UGGT1: variants seen among roughly 807,000 people sequenced by gnomAD.
UGGT1 encodes the protein UDP-glucose:glycoprotein glucosyltransferase 1.
UGGT1 carries 107 observed loss-of-function variants against 203.9 expected under a neutral mutation model. The ratio of observed to expected loss-of-function variants is 0.52; its 90% CI spans 0.45 to 0.62. The LOEUF (loss-of-function observed/expected upper bound fraction) is 0.62. UGGT1 is among the 20% of genes least tolerant of loss of function. UGGT1 has a pLI of 0.00. For synonymous variants in UGGT1, 628 were observed against 653.5 expected, an observed-to-expected ratio of 0.96 and a Z score of 0.59; for missense variants, 1,673 against 1,867.2, an observed-to-expected ratio of 0.90 and a Z score of 1.92.
chr2:128,152,413 C>A (rs986718719), intron 18 of UGGT1, among the ~76,000 whole-genome samples: 2 of 152,214 alleles, frequency 1.3e-5, no homozygotes, highest in Non-Finnish European at 2.9e-5. Flanking sequence ...CCTTCCTCAG[C>A]CTCCCAAAGT....
Position 128,183,667 on chromosome 2 carries a change from T to C in UGGT1, c.4245-8T>C. On this transcript the variant is annotated splice_polypyrimidine_tract_variant and splice_region_variant and intron_variant, in intron 37 of 40. Transcript: ENST00000259253. ...GTTGGTTGTAACAAGCGGGTCTTCT[T>C]TATTCAGTGCACTATATGTTGTGGA... 1 of 1,609,970 alleles carries C rather than the reference T, an allele frequency of 6.2e-7. No homozygotes were observed.
chr2:128,100,371 A>G (rs1467932814), intron 2 of UGGT1, among the ~76,000 whole-genome samples: 1 of 150,718 alleles, frequency 6.6e-6, no homozygotes, highest in African/African-American at 2.4e-5. Flanking sequence ...ATCATTTTGT[A>G]CAATTAACTG....
At chr2:128,128,281 T>G (rs1051569812) in intron 12 of UGGT1, among the ~76,000 whole-genome samples, 1 of 151,646 alleles carries the variant, frequency 6.6e-6, no homozygotes, top group Non-Finnish European at 1.5e-5. Flanking sequence ...AAAGAAATTT[T>G]TTTAATCACA....
At chr2:128,171,777 G>A (rs1286040600) in intron 28 of UGGT1, among the ~76,000 whole-genome samples, 4 of 152,114 alleles carry the variant, frequency 2.6e-5, no homozygotes, top group African/African-American at 9.7e-5. Flanking sequence ...AAAGTGCTGG[G>A]TTTACAGGTG....
intron 3 of UGGT1, among the ~76,000 whole-genome samples, chr2:128,107,409 A>T (rs1209176132): frequency 6.6e-6 from 1 of 152,036 alleles, no homozygotes. Flanking sequence ...AGTTTTGTTT[A>T]GTTTTTGGAG....
chr2:128,107,163 T>C (rs1687645216), intron 3 of UGGT1, among the ~76,000 whole-genome samples: 1 of 151,616 alleles, frequency 6.6e-6, no homozygotes, highest in African/African-American at 2.4e-5. Flanking sequence ...TTACAGCAAA[T>C]ATATACATAT....
At position 128,152,176 on chromosome 2, in the gene UGGT1, A is replaced by AT. The variant is rs575677003; in HGVS notation, c.2017-596dup. ...ACTGCTTGAGAGAAGACCTTTTCCT[A>AT]TTTTTTTTTTTTCCTTGGGACAGAG... On this transcript the variant is annotated intron_variant, in intron 18 of 40. Coordinates refer to ENST00000259253, the MANE Select transcript of UGGT1 (RefSeq NM_020120.4). Among the ~76,000 whole-genome samples, 581 of 143,442 alleles carry AT rather than the reference A, an allele frequency of 4.1e-3. 11 individuals carry two copies. In the East Asian group the frequency reaches 0.062, roughly 15 times the overall value. 94.1% of individuals were successfully genotyped at this position (143,442 alleles called of 152,430 possible). A position where few individuals can be genotyped will look rare whatever the true frequency, so the allele number is the denominator to read the frequency against.
At chr2:128,139,434 AT>A in intron 16 of UGGT1, among the ~76,000 whole-genome samples, 1 of 151,992 alleles carries the variant, frequency 6.6e-6, no homozygotes, top group Non-Finnish European at 1.5e-5. Context: ...TTATTCATTT[AT>A]TTTTTATTGT....
chr2:128,101,053 T>C (rs371982407), intron 2 of UGGT1, among the ~76,000 whole-genome samples: 113 of 152,366 alleles, frequency 7.4e-4, no homozygotes, highest in African/African-American at 2.6e-3. Context: ...GAGCTACATT[T>C]GCCCTTTTGG....
intron 15 of UGGT1, among the ~76,000 whole-genome samples, chr2:128,137,196 C>T (rs185098222): frequency 5.6e-4 from 85 of 152,244 alleles, no homozygotes; most frequent in Non-Finnish European, 1.0e-3. Flanking sequence ...GTGGGAGGAT[C>T]GCTTGAGGCC....
In UGGT1 at chr2:128,171,376, T is replaced by A. The variant is rs139046562; in HGVS notation, c.3104+92T>A. Reference sequence around the variant, plus strand: ...TTAGAGGATCAGATGGATTTATAGGTGGACATCATGTTTGAAATGGTCATT... The same window carrying A: ...TTAGAGGATCAGATGGATTTATAGGAGGACATCATGTTTGAAATGGTCATT... On this transcript the variant is annotated intron_variant, in intron 28 of 40. Transcript: ENST00000259253. 5.4e-4 allele frequency: 633 copies of A among 1,176,978 alleles called. 4 individuals carry two copies. The African/African-American group carries it at 8.8e-3, about 16-fold the overall frequency. The allele number at this position is 1,176,978 out of a possible 1,614,324, so 72.9% of individuals were successfully genotyped here. A position where few individuals can be genotyped will look rare whatever the true frequency, so the allele number is the denominator to read the frequency against.
intron 5 of UGGT1, among the ~76,000 whole-genome samples, chr2:128,111,297 G>A (rs980219556): frequency 3.9e-5 from 6 of 152,140 alleles, no homozygotes; most frequent in African/African-American, 1.4e-4. Context: ...AGAGACTGCA[G>A]TGAGCCCTGT....
intron 38 of UGGT1, 38 bp downstream of exon 38, chr2:128,183,827 G>A (rs754644879): frequency 1.3e-6 from 2 of 1,485,556 alleles, no homozygotes; most frequent in Non-Finnish European, 1.9e-6. Flanking sequence ...GTGAGTGACG[G>A]GTATACAGTG....
At chr2:128,181,431 AGCTTAAG>A (rs889024843) in intron 36 of UGGT1, among the ~76,000 whole-genome samples, 1 of 152,228 alleles carries the variant, frequency 6.6e-6, no homozygotes, top group Non-Finnish European at 1.5e-5. Context: ...TAATAGACGA[AGCTTAAG>A]TGGATACATG....
At chr2:128,127,665 G>C (rs1410006410) in intron 12 of UGGT1, among the ~76,000 whole-genome samples, 1 of 152,174 alleles carries the variant, frequency 6.6e-6, no homozygotes, top group Non-Finnish European at 1.5e-5. Flanking sequence ...TTCAAGGCCT[G>C]AGTGTTTTCT....
chr2:128,162,216 GTT>G lies in UGGT1; in HGVS notation c.2825+959_2825+960del, dbSNP rs1181567317. On this transcript the variant is annotated intron_variant, in intron 25 of 40. Transcript: ENST00000259253. The stretch of plus-strand genomic sequence containing the variant: ...AAGTCTTTTGCCCATTTTTAATTGC[GTT>G]TTTTTTTTTTGTCGTTGAGATGTAG... 5.5e-3 allele frequency among the ~76,000 whole-genome samples: 761 copies of G among 138,958 alleles called. 10 individuals are homozygous for G. The highest frequency in any genetic ancestry group is 0.018 in the African/African-American group (671 of 38,026). The allele number at this position is 138,958 out of a possible 152,430, so 91.2% of individuals were successfully genotyped here. A position where few individuals can be genotyped will look rare whatever the true frequency, so the allele number is the denominator to read the frequency against.
At chr2:128,137,455 C>T (rs1229102913) in intron 15 of UGGT1, among the ~76,000 whole-genome samples, 1 of 152,188 alleles carries the variant, frequency 6.6e-6, no homozygotes, top group African/African-American at 2.4e-5. Flanking sequence ...TTTACCTGTC[C>T]TTTATCAGAT....
intron 19 of UGGT1, 146 bp from the exon 20 acceptor site, chr2:128,155,343 G>T: frequency 1.7e-6 from 1 of 605,446 alleles, no homozygotes; most frequent in South Asian, 2.2e-5. Flanking sequence ...GCCATGTTGT[G>T]AAGTTGTTCA....
At chr2:128,131,282 G>T (rs1273458397) in intron 13 of UGGT1, among the ~76,000 whole-genome samples, 1 of 137,690 alleles carries the variant, frequency 7.3e-6, no homozygotes, top group African/African-American at 2.7e-5. Flanking sequence ...AGTCAGGCGC[G>T]GTGGCTCACG....
Sources: allele counts gnomAD v4.1 joint callset (sites outside exome capture counted in the v4.1 genomes callset), GRCh38; gene constraint gnomAD v4.1.1; transcripts MANE v1.5; gene names NCBI Gene and HGNC (gene_info 2026-07-23, HGNC 2026-07-21).